Variants in ZMYND11 observed in about 807,000 individuals in gnomAD.
ZMYND11 encodes the protein zinc finger MYND-type containing 11, also known as zinc finger MYND domain-containing protein 11.
In ZMYND11, 9 loss-of-function variants were observed where a neutral mutation model predicts 84.9. That is an observed-to-expected ratio of 0.11 (90% CI 0.06 to 0.18). The LOEUF is 0.18. ZMYND11 is among the 10% of genes least tolerant of loss of function. ZMYND11 has a pLI of 1.00. For synonymous variants in ZMYND11, 250 were observed against 244.1 expected (o/e 1.02, Z -0.23); for missense variants, 409 against 761.0 (o/e 0.54, Z 5.44).
Position 249,168 on chromosome 10 carries a change from T to TG in ZMYND11, c.1686+82dup, listed in dbSNP as rs1205238763. The stretch of plus-strand genomic sequence containing the variant: ...TGCCCGTTAATTCAGAAGGTAGCTG[T>TG]GGCACATGCAGAAGATGTTTCTGAA... On this transcript the variant is annotated intron_variant, in intron 14 of 14. Transcript: ENST00000381604. The TG allele has an allele frequency of 1.4e-4, 218 of 1,591,670 alleles. 1 individual carries two copies. Among genetic ancestry groups the TG allele is most frequent in the Non-Finnish European group, 1.3e-4 (148 of 1,168,928 alleles).
intron 2 of ZMYND11, 132 bp downstream of exon 2, chr10:180,260 G>A: frequency 3.4e-6 from 2 of 584,208 alleles, no homozygotes; most frequent in Non-Finnish European, 5.9e-6. Context: ...TTGCTTTGCA[G>A]GAGTATTATT....
intron 1 of ZMYND11, among the ~76,000 whole-genome samples, chr10:161,614 A>T (rs1842955887): frequency 6.6e-6 from 1 of 152,206 alleles, no homozygotes; most frequent in African/African-American, 2.4e-5. Context: ...TTAATCAGTT[A>T]TCTTAGCTAA....
Position 246,794 on chromosome 10 carries a change from G to A in ZMYND11, c.979G>A (p.Asp327Asn), listed in dbSNP as rs1279602558. Residue 327 changes from aspartate to asparagine, a missense_variant, in exon 11 of 15, where the codon GAT becomes AAT. By Grantham distance (23) the Asp-to-Asn change is conservative. Transcript: ENST00000381604. ...CTGGATTCCTTCTGAAAACATTCAA[G>A]ATATCACAGTCAACATTCATCGGCT... ...RAWIPSENIQ[D>N]ITVNIHRLHV... 3 of 1,614,126 alleles carry A rather than the reference G, an allele frequency of 1.9e-6. No homozygotes were observed. The Admixed American group carries it at 5.0e-5, about 27-fold the overall frequency.
At chr10:214,955 G>C (rs1945905243) in intron 3 of ZMYND11, among the ~76,000 whole-genome samples, 1 of 152,194 alleles carries the variant, frequency 6.6e-6, no homozygotes, top group Non-Finnish European at 1.5e-5. Context: ...CACTAAAGAT[G>C]AGAAGGTCTT....
chr10:184,707 G>T (rs1430310013), intron 2 of ZMYND11, among the ~76,000 whole-genome samples: 1 of 152,134 alleles, frequency 6.6e-6, no homozygotes, highest in Non-Finnish European at 1.5e-5. Flanking sequence ...TCTGCTGCGT[G>T]TGCCATAGTC....
At chr10:191,835 C>T (rs1940506041) in intron 2 of ZMYND11, among the ~76,000 whole-genome samples, 1 of 152,076 alleles carries the variant, frequency 6.6e-6, no homozygotes, top group East Asian at 1.9e-4. Context: ...AACCTTTTTC[C>T]ATGTCATTGC....
In ZMYND11 at chr10:210,185, A is replaced by G; in HGVS notation, c.276+137A>G. On this transcript the variant is annotated intron_variant, in intron 3 of 14. Coordinates refer to ENST00000381604, the MANE Select transcript of ZMYND11 (RefSeq NM_001370100.5). Reference sequence around the variant, plus strand: ...ATTTGTATCAACATTAAGGCTCTACATTGGTAGTATGGATACTTTCCTTAC... The same window carrying G: ...ATTTGTATCAACATTAAGGCTCTACGTTGGTAGTATGGATACTTTCCTTAC... 9 of 908,048 alleles carry G rather than the reference A, an allele frequency of 9.9e-6. No homozygotes were observed. The South Asian group carries it at 1.6e-4, about 17-fold the overall frequency. 56.2% of individuals were successfully genotyped at this position (908,048 alleles called of 1,614,324 possible).
At chr10:228,151 A>G in intron 4 of ZMYND11, among the ~76,000 whole-genome samples, 1 of 152,198 alleles carries the variant, frequency 6.6e-6, no homozygotes, top group South Asian at 2.1e-4. Context: ...TGGATCTACA[A>G]TATAAAACTA....
intron 2 of ZMYND11, among the ~76,000 whole-genome samples, chr10:201,303 C>T (rs1387020649): frequency 1.3e-5 from 2 of 152,136 alleles, no homozygotes; most frequent in Non-Finnish European, 2.9e-5. Flanking sequence ...TTATGAGGGA[C>T]AAGAAGACAT....
chr10:154,244 G>C (rs537703725), intron 1 of ZMYND11, among the ~76,000 whole-genome samples: 2 of 152,290 alleles, frequency 1.3e-5, no homozygotes, highest in African/African-American at 4.8e-5. Context: ...CTCAAGGCCA[G>C]TAGCACTATA....
chr10:247,554 C>T (rs1453866306), intron 12 of ZMYND11, 88 bp downstream of exon 12: 2 of 1,394,132 alleles, frequency 1.4e-6, no homozygotes. Context: ...ATTTCAAAGA[C>T]AGTCACTCTT....
chr10:159,497 A>G (rs1397161630), intron 1 of ZMYND11, among the ~76,000 whole-genome samples: 1 of 152,162 alleles, frequency 6.6e-6, no homozygotes, highest in African/African-American at 2.4e-5. Flanking sequence ...GATGAGATAA[A>G]TTAAGCATCT....
intron 2 of ZMYND11, among the ~76,000 whole-genome samples, chr10:201,353 T>G (rs567048250): frequency 6.6e-6 from 1 of 152,310 alleles, no homozygotes; most frequent in Non-Finnish European, 1.5e-5. Context: ...AGAAAACACA[T>G]CACTGCATTC....
At chr10:171,614 A>G (rs1845338866) in intron 1 of ZMYND11, among the ~76,000 whole-genome samples, 1 of 152,206 alleles carries the variant, frequency 6.6e-6, no homozygotes, top group African/African-American at 2.4e-5. Context: ...AATGAGAATA[A>G]AAATAGTTTA....
chr10:177,102 T>G (rs1554767124), intron 1 of ZMYND11, among the ~76,000 whole-genome samples: 2 of 152,224 alleles, frequency 1.3e-5, no homozygotes, highest in Non-Finnish European at 2.9e-5. Flanking sequence ...TCCGTTTTGC[T>G]TATTGCTATA....
At chr10:162,484 G>A (rs1554762261) in intron 1 of ZMYND11, among the ~76,000 whole-genome samples, 2 of 151,612 alleles carry the variant, frequency 1.3e-5, no homozygotes, top group African/African-American at 4.8e-5. Context: ...GCACAATAAA[G>A]CAACTTGTAA....
chr10:141,439 C>T (rs1554753961), intron 1 of ZMYND11, among the ~76,000 whole-genome samples: 2 of 152,134 alleles, frequency 1.3e-5, no homozygotes. Context: ...GAGTTTGAGG[C>T]TACAGTGAGC....
chr10:232,748 G>T (rs886773537), intron 4 of ZMYND11, among the ~76,000 whole-genome samples: 1 of 152,220 alleles, frequency 6.6e-6, no homozygotes, highest in African/African-American at 2.4e-5. Context: ...CGTTTGGTCA[G>T]TCCTTCTATA....
intron 9 of ZMYND11, 135 bp from the exon 10 acceptor site, chr10:241,882 AAAAT>A (rs1951022948): frequency 9.3e-7 from 1 of 1,078,622 alleles, no homozygotes. Flanking sequence ...TCCCAGAAAA[AAAAT>A]CTCGTATGTG....
Sources: gnomAD v4.1 joint callset for allele counts (sites outside exome capture counted in the v4.1 genomes callset) on GRCh38, gnomAD v4.1.1 for gene constraint, MANE v1.5 for transcripts, NCBI Gene and HGNC (gene_info 2026-07-23, HGNC 2026-07-21) for gene names.